PSD3: variants seen among roughly 807,000 people sequenced by gnomAD.
PSD3 encodes the protein PH and SEC7 domain-containing protein 3.
A neutral mutation model predicts 105.5 loss-of-function variants in PSD3; 49 were observed. That is an observed-to-expected ratio of 0.46 (90% CI 0.37 to 0.59). The LOEUF is 0.59. Among genes scored for constraint, PSD3 ranks in the 20% least tolerant of loss-of-function variants. The probability of loss-of-function intolerance (pLI) is 0.00; values close to 1 mark genes in which losing one functional copy is unlikely to be tolerated. For synonymous variants in PSD3, 557 were observed against 457.8 expected (o/e 1.22, Z -2.77); for missense variants, 1,561 against 1,263.8 (o/e 1.24, Z -3.57).
chr8:18,855,629 G>C (rs1368115766), intron 4 of PSD3, among the ~76,000 whole-genome samples: 1 of 152,148 alleles, frequency 6.6e-6, no homozygotes. Context: ...ATGTATGAAA[G>C]AACTCAGACA....
intron 1 of PSD3, among the ~76,000 whole-genome samples, chr8:18,936,343 TA>T (rs1183518861): frequency 2.6e-5 from 4 of 152,144 alleles, no homozygotes; most frequent in Non-Finnish European, 1.5e-5. Flanking sequence ...TATAGCTATA[TA>T]AAAAATGTAT....
intron 2 of PSD3, among the ~76,000 whole-genome samples, chr8:18,896,935 C>T (rs1819189191): frequency 1.3e-5 from 2 of 151,934 alleles, no homozygotes; most frequent in East Asian, 1.9e-4. Context: ...CTCAGCCTCC[C>T]GAGTAGCTGG....
chr8:18,557,849 G>A (rs1259301959), intron 14 of PSD3, among the ~76,000 whole-genome samples: 1 of 152,202 alleles, frequency 6.6e-6, no homozygotes, highest in Non-Finnish European at 1.5e-5. Flanking sequence ...TTCAGGCAAG[G>A]AGACTATCAA....
intron 12 of PSD3, among the ~76,000 whole-genome samples, chr8:18,581,361 T>G (rs1199332188): frequency 6.6e-6 from 1 of 152,292 alleles, no homozygotes. Flanking sequence ...CACACATTTT[T>G]TAGGTACTCT....
intron 1 of PSD3, among the ~76,000 whole-genome samples, chr8:18,997,390 C>T (rs954988062): frequency 1.3e-5 from 2 of 151,872 alleles, no homozygotes; most frequent in African/African-American, 2.4e-5. Context: ...CCTTCCCACT[C>T]AACCTTCAAA....
At chr8:18,864,761 T>C (rs1274424319) in intron 4 of PSD3, 3 of 152,146 alleles carry the variant, frequency 2.0e-5, no homozygotes, top group Non-Finnish European at 4.4e-5. Context: ...TTTTTTCCTT[T>C]AATTCTAACA....
At chr8:18,651,027 G>C (rs1044245013) in intron 10 of PSD3, among the ~76,000 whole-genome samples, 8 of 152,034 alleles carry the variant, frequency 5.3e-5, no homozygotes, top group Admixed American at 3.3e-4. Flanking sequence ...TAACAACAAT[G>C]GACTACGTAA....
At chr8:19,077,559 T>A (rs1337497782) in intron 1 of PSD3, among the ~76,000 whole-genome samples, 2 of 152,214 alleles carry the variant, frequency 1.3e-5, no homozygotes, top group African/African-American at 2.4e-5. Flanking sequence ...CCCACCTTTT[T>A]CGTTTGCCTA....
chr8:18,916,337 TATATATATATATAC>T (rs1320213431), intron 2 of PSD3, among the ~76,000 whole-genome samples: 1 of 44,046 alleles, frequency 2.3e-5, no homozygotes, highest in Admixed American at 2.3e-4. Context: ...TATATATATA[TATATATATATATAC>T]ACACACACAC....
intron 4 of PSD3, among the ~76,000 whole-genome samples, chr8:18,828,067 A>ATATATATATTTT (rs371473289): frequency 1.7e-3 from 204 of 118,850 alleles, no homozygotes; most frequent in African/African-American, 6.8e-3. Flanking sequence ...ATATATATAT[A>ATATATATATTTT]TTTTTTTTTT....
intron 1 of PSD3, chr8:18,940,265 T>C (rs1033970870): frequency 6.6e-6 from 1 of 152,224 alleles, no homozygotes; most frequent in Non-Finnish European, 1.5e-5. Context: ...CTTCGTACTC[T>C]GTTGTATATA....
intron 9 of PSD3, among the ~76,000 whole-genome samples, chr8:18,755,124 C>T (rs994408428): frequency 6.6e-6 from 1 of 152,030 alleles, no homozygotes; most frequent in East Asian, 1.9e-4. Context: ...ACTGTTATGA[C>T]ACTTTAAACA....
At chr8:18,707,463 T>C (rs1388882195) in intron 9 of PSD3, among the ~76,000 whole-genome samples, 6 of 152,194 alleles carry the variant, frequency 3.9e-5, no homozygotes, top group Non-Finnish European at 5.9e-5. Context: ...GATTGGAGGA[T>C]TGGGATTTAC....
intron 4 of PSD3, among the ~76,000 whole-genome samples, chr8:18,863,573 T>G (rs1056760057): frequency 1.3e-5 from 2 of 152,184 alleles, no homozygotes; most frequent in Admixed American, 1.3e-4. Flanking sequence ...TGCATTAGGC[T>G]GGTGCAAAAG....
At chr8:18,686,311 T>C (rs747434710) in intron 9 of PSD3, among the ~76,000 whole-genome samples, 1 of 152,192 alleles carries the variant, frequency 6.6e-6, no homozygotes, top group Non-Finnish European at 1.5e-5. Context: ...ATCCCCACTT[T>C]CCTGATGAGG....
At chr8:18,625,604 C>T (rs956246364) in intron 11 of PSD3, among the ~76,000 whole-genome samples, 40 of 152,182 alleles carry the variant, frequency 2.6e-4, no homozygotes, top group African/African-American at 9.2e-4. Context: ...ACTGTCCCAA[C>T]TACACAAAAA....
At chr8:19,021,346 TGAAA>T (rs1261744696) in intron 1 of PSD3, among the ~76,000 whole-genome samples, 1 of 152,162 alleles carries the variant, frequency 6.6e-6, no homozygotes, top group African/African-American at 2.4e-5. Flanking sequence ...TCAGGAAGAA[TGAAA>T]GAGATAGTGC....
At chr8:18,771,619 T>C (rs898008440) in intron 8 of PSD3, among the ~76,000 whole-genome samples, 5 of 152,206 alleles carry the variant, frequency 3.3e-5, no homozygotes, top group African/African-American at 1.2e-4. Context: ...CACCAAATTG[T>C]TTTGAAACTC....
chr8:18,899,402 A>G (rs1819356754), intron 2 of PSD3, among the ~76,000 whole-genome samples: 1 of 152,128 alleles, frequency 6.6e-6, no homozygotes, highest in Non-Finnish European at 1.5e-5. Context: ...ATTGTTTCAG[A>G]TTTCAAGGCT....
Sources: gnomAD v4.1 joint callset for allele counts (sites outside exome capture counted in the v4.1 genomes callset) on GRCh38, gnomAD v4.1.1 for gene constraint, MANE v1.5 for transcripts, NCBI Gene and HGNC (gene_info 2026-07-23, HGNC 2026-07-21) for gene names.